Variants in TMIGD1 observed in about 807,000 individuals in gnomAD.
The protein encoded by TMIGD1 is transmembrane and immunoglobulin domain-containing protein 1.
Under a neutral mutation model 27.5 loss-of-function variants are expected in TMIGD1, and 29 were observed. The observed-to-expected ratio is 1.05, with a 90% CI of 0.78 to 1.44. The LOEUF (loss-of-function observed/expected upper bound fraction) is 1.44, where lower values mean the gene tolerates loss of function less well. TMIGD1 is among the 40% of genes most tolerant of loss of function. The probability of loss-of-function intolerance (pLI) is 0.00; values close to 1 mark genes in which losing one functional copy is unlikely to be tolerated. For missense variants in TMIGD1, 334 were observed against 310.6 expected (o/e 1.08, Z -0.57); for synonymous variants, 109 against 110.3 (o/e 0.99, Z 0.07).
chr17:30,323,156 C>G (rs1046146160), intron 4 of TMIGD1, among the ~76,000 whole-genome samples: 1 of 151,852 alleles, frequency 6.6e-6, no homozygotes, highest in African/African-American at 2.4e-5. Flanking sequence ...GGTGGCAGAG[C>G]GAGACCCTGT....
intron 6 of TMIGD1, chr17:30,316,947 G>C: frequency 1.6e-6 from 1 of 625,062 alleles, no homozygotes; most frequent in Non-Finnish European, 2.8e-6. Context: ...AAATGCAGTT[G>C]CACAAACATT....
At chr17:30,316,740 A>G in intron 6 of TMIGD1, 50 bp from the exon 7 acceptor site, 2 of 1,573,788 alleles carry the variant, frequency 1.3e-6, no homozygotes, top group Non-Finnish European at 1.7e-6. Context: ...GCAATAAGAA[A>G]AAAATTCAAA....
chr17:30,327,080 T>G (rs1308223924), intron 3 of TMIGD1, among the ~76,000 whole-genome samples: 1 of 134,190 alleles, frequency 7.5e-6, no homozygotes, highest in Non-Finnish European at 1.6e-5. Context: ...ACACACACAC[T>G]TAGCAACAAT....
At chr17:30,327,830 T>C (rs1334479047) in intron 3 of TMIGD1, among the ~76,000 whole-genome samples, 2 of 151,912 alleles carry the variant, frequency 1.3e-5, no homozygotes, top group African/African-American at 2.4e-5. Context: ...TCATTATACC[T>C]CACCCATTGC....
chr17:30,329,922 T>TAAA (rs113870371), intron 2 of TMIGD1, among the ~76,000 whole-genome samples: 4 of 145,882 alleles, frequency 2.7e-5, no homozygotes, highest in South Asian at 2.2e-4. Context: ...AATAAAAAAA[T>TAAA]AAAAAAAAAA....
intron 4 of TMIGD1, among the ~76,000 whole-genome samples, chr17:30,322,478 C>T (rs1446247817): frequency 6.6e-6 from 1 of 152,128 alleles, no homozygotes; most frequent in Non-Finnish European, 1.5e-5. Flanking sequence ...CATGTGACAG[C>T]TCTTACTCTA....
chr17:30,329,166 C>A, intron 3 of TMIGD1, 85 bp downstream of exon 3: 1 of 1,521,744 alleles, frequency 6.6e-7, no homozygotes, highest in African/African-American at 1.4e-5. Context: ...GGCAATTTGG[C>A]AATACCAAGA....
chr17:30,321,332 G>A (rs1294516963), intron 4 of TMIGD1, among the ~76,000 whole-genome samples: 1 of 152,166 alleles, frequency 6.6e-6, no homozygotes, highest in Non-Finnish European at 1.5e-5. Flanking sequence ...AAGTAAAAGT[G>A]CTTCAGTTCA....
At chr17:30,327,486 T>A (rs1909823365) in intron 3 of TMIGD1, among the ~76,000 whole-genome samples, 1 of 152,180 alleles carries the variant, frequency 6.6e-6, no homozygotes, top group African/African-American at 2.4e-5. Context: ...TAGTGTTTTA[T>A]TCTCAGCTGC....
At chr17:30,327,479 T>C (rs950363468) in intron 3 of TMIGD1, among the ~76,000 whole-genome samples, 3 of 152,118 alleles carry the variant, frequency 2.0e-5, no homozygotes, top group Non-Finnish European at 4.4e-5. Context: ...TGGGAATTAG[T>C]GTTTTATTCT....
At position 30,324,831 on chromosome 17, in the gene TMIGD1, GA is replaced by G. The variant is rs753831582; in HGVS notation, c.624del (p.His209ThrfsTer2). On this transcript the variant is annotated frameshift_variant, in exon 4 of 7. Coordinates refer to ENST00000328886, the MANE Select transcript of TMIGD1 (RefSeq NM_206832.3). LOFTEE classifies it high-confidence loss of function. Reference protein sequence around the residue: ...KSSLKTESLDFHLIVKDKTVG... With the variant: ...KSSLKTESLDXHLIVKDKTVG... ...AGAGCATTACCTTTAACAATCAGGT[GA>G]AAGTCCAAGCTCTCCGTTTTCAGAG... 6.2e-7 allele frequency: 1 copy of G among 1,614,020 alleles called. No homozygotes were observed. Among genetic ancestry groups the G allele is most frequent in the African/African-American group, 1.3e-5 (1 of 75,056 alleles).
rs1179917388 is a variant in TMIGD1 at position 30,316,608 on chromosome 17, A to G, written c.*79T>C. 15 of 1,436,872 alleles carry G rather than the reference A, an allele frequency of 1.0e-5. No homozygotes were observed. Among genetic ancestry groups the G allele is most frequent in the Non-Finnish European group, 1.4e-5 (14 of 1,031,454 alleles). The allele number at this position is 1,436,872 out of a possible 1,614,324, so 89.0% of individuals were successfully genotyped here. On this transcript the variant is annotated 3_prime_UTR_variant, in exon 7 of 7. Transcript: ENST00000328886. Reference sequence around the variant, plus strand: ...GACAGGAGTGAATTTAATAATAGCAATAAATACAGATGGGACTACATAAAT... The same window carrying G: ...GACAGGAGTGAATTTAATAATAGCAGTAAATACAGATGGGACTACATAAAT...
intron 4 of TMIGD1, among the ~76,000 whole-genome samples, chr17:30,319,747 G>C (rs991309378): frequency 1.8e-4 from 28 of 151,986 alleles, no homozygotes; most frequent in African/African-American, 6.5e-4. Flanking sequence ...GAAGGAGAGA[G>C]AGGTCTGTGG....
At chr17:30,319,908 A>T (rs1342925425) in intron 4 of TMIGD1, among the ~76,000 whole-genome samples, 3 of 152,144 alleles carry the variant, frequency 2.0e-5, no homozygotes, top group African/African-American at 4.8e-5. Context: ...AGTTTTCTGC[A>T]TCTCTCTAAA....
In TMIGD1 at chr17:30,319,249, G is replaced by GAA. The variant is rs1201681602; in HGVS notation, c.641-338_641-337dup. Among the ~76,000 whole-genome samples, 30 of 70,884 alleles carry GAA rather than the reference G, an allele frequency of 4.2e-4. 3 individuals are homozygous for GAA. Among genetic ancestry groups the GAA allele is most frequent in the African/African-American group, 1.7e-3 (20 of 11,932 alleles). 46.5% of individuals were successfully genotyped at this position (70,884 alleles called of 152,430 possible). ...TGAAACCCCATCTGTAAAAAAAAAA[G>GAA]AAAAAAAAAAAAATATATATATATA... is the stretch of plus-strand genomic sequence containing the variant. On this transcript the variant is annotated intron_variant, in intron 4 of 6. Transcript: ENST00000328886.
At chr17:30,330,250 G>A (rs1188820019) in intron 2 of TMIGD1, among the ~76,000 whole-genome samples, 1 of 135,756 alleles carries the variant, frequency 7.4e-6, no homozygotes, top group African/African-American at 2.8e-5. Context: ...ATACACATAT[G>A]TGTGTATGTG....
chr17:30,319,024 T>A, intron 4 of TMIGD1, 111 bp from the exon 5 acceptor site: 1 of 748,704 alleles, frequency 1.3e-6, no homozygotes, highest in Non-Finnish European at 2.3e-6. Context: ...TTAAACCTTC[T>A]CAACAATCTC....
chr17:30,332,591 C>G (rs369834355), intron 1 of TMIGD1, among the ~76,000 whole-genome samples: 1 of 152,106 alleles, frequency 6.6e-6, no homozygotes, highest in South Asian at 2.1e-4. Context: ...TGAGACTACT[C>G]CAAATCCCAT....
intron 2 of TMIGD1, 119 bp downstream of exon 2, chr17:30,331,933 G>GTT (rs1909991477): frequency 1.5e-6 from 1 of 680,642 alleles, no homozygotes; most frequent in African/African-American, 1.8e-5. Context: ...TGTGAGCCAT[G>GTT]CTAACTGTGT....
Sources: gnomAD v4.1 joint callset for allele counts (sites outside exome capture counted in the v4.1 genomes callset) on GRCh38, gnomAD v4.1.1 for gene constraint, MANE v1.5 for transcripts, NCBI Gene and HGNC (gene_info 2026-07-23, HGNC 2026-07-21) for gene names.